The following UBE2L3 variants were observed in gnomAD, a reference collection of about 807,000 sequenced individuals.
UBE2L3 encodes the protein ubiquitin-conjugating enzyme E2 L3.
In UBE2L3, 1 loss-of-function variant was observed where a neutral mutation model predicts 17.8. That is an observed-to-expected ratio of 0.06 (90% confidence interval 0.02 to 0.27). UBE2L3 has a LOEUF of 0.27. Ranked by LOEUF, UBE2L3 falls within the 10% of genes least tolerant of loss-of-function variation. The probability of loss-of-function intolerance (pLI) is 1.00; values close to 1 mark genes in which losing one functional copy is unlikely to be tolerated. For synonymous variants in UBE2L3, 44 were observed against 68.5 expected (o/e 0.64, Z 1.76); for missense variants, 40 against 192.6 (o/e 0.21, Z 4.69).
At chr22:21,593,349 G>C (rs1044958087) in intron 2 of UBE2L3, among the ~76,000 whole-genome samples, 3 of 152,154 alleles carry the variant, frequency 2.0e-5, no homozygotes, top group African/African-American at 4.8e-5. Context: ...TTGCATTCAT[G>C]TCTCTAACCC....
At chr22:21,567,709 G>T (rs372195361), upstream of UBE2L3, 536 of 1,571,028 alleles carry the variant, frequency 3.4e-4, 8 homozygotes, top group South Asian at 5.3e-3. Context: ...GGCCGGCCGC[G>T]ATGCATTCTG....
At chr22:21,588,579 C>G (rs1928079146) in intron 1 of UBE2L3, among the ~76,000 whole-genome samples, 1 of 145,934 alleles carries the variant, frequency 6.9e-6, no homozygotes, top group African/African-American at 2.5e-5. Context: ...TCAGGTGATT[C>G]TTCCGCTTTC....
intron 1 of UBE2L3, among the ~76,000 whole-genome samples, chr22:21,586,135 G>A (rs924600935): frequency 6.6e-6 from 1 of 152,062 alleles, no homozygotes; most frequent in African/African-American, 2.4e-5. Flanking sequence ...TAGAGATAGG[G>A]TCTTGCTGTA....
At chr22:21,591,271 C>T (rs1928250538) in intron 1 of UBE2L3, among the ~76,000 whole-genome samples, 1 of 152,226 alleles carries the variant, frequency 6.6e-6, no homozygotes, top group Non-Finnish European at 1.5e-5. Context: ...CCCAGCAGTG[C>T]CTCTTCTCTC....
chr22:21,595,545 G>C lies in UBE2L3; in HGVS notation c.123+2589G>C, dbSNP rs150652002. ...GTCCTTGGGTAGCCACCTAGCGATT[G>C]CCCTGGTCGTAGTGCACAGAGGAGG... is the stretch of plus-strand genomic sequence containing the variant. On this transcript the variant is annotated intron_variant, in intron 2 of 3. Transcript: ENST00000342192. Among the ~76,000 whole-genome samples the C allele has an allele frequency of 5.6e-4, 86 of 152,312 alleles. 3 individuals carry two copies. Among genetic ancestry groups the C allele is most frequent in the African/African-American group, 1.9e-3 (79 of 41,576 alleles).
intron 1 of UBE2L3, among the ~76,000 whole-genome samples, chr22:21,590,443 C>T (rs1928193825): frequency 6.6e-6 from 1 of 152,170 alleles, no homozygotes; most frequent in Admixed American, 6.6e-5. Flanking sequence ...GGTGATCCAC[C>T]CACCTTGGCT....
At chr22:21,620,021 G>A (rs897752773) in intron 3 of UBE2L3, among the ~76,000 whole-genome samples, 13 of 152,196 alleles carry the variant, frequency 8.5e-5, no homozygotes, top group Non-Finnish European at 1.5e-5. Context: ...ACCAGGTGCA[G>A]TGGCTTCATG....
intron 3 of UBE2L3, among the ~76,000 whole-genome samples, chr22:21,619,851 C>T: frequency 6.6e-6 from 1 of 152,174 alleles, no homozygotes; most frequent in East Asian, 1.9e-4. Flanking sequence ...GCCACCATGC[C>T]TGGCTAATTT....
chr22:21,621,926 G>A lies in UBE2L3; in HGVS notation c.*257G>A. ...CTGCTTCAATCTACTTCAAAAGAAT[G>A]GTGTTTCTTTTCTTGTCCAATTTTA... On this transcript the variant is annotated 3_prime_UTR_variant, in exon 4 of 4. Transcript: ENST00000342192. 2.5e-6 allele frequency: 1 copy of A among 402,182 alleles called. No individual in the cohort carries two copies. The highest frequency in any genetic ancestry group is 5.0e-5 in the East Asian group (1 of 20,100). 24.9% of individuals were successfully genotyped at this position (402,182 alleles called of 1,614,324 possible). A position where few individuals can be genotyped will look rare whatever the true frequency, so the allele number is the denominator to read the frequency against.
chr22:21,609,202 T>A (rs1359428361), intron 2 of UBE2L3, among the ~76,000 whole-genome samples: 1 of 152,160 alleles, frequency 6.6e-6, no homozygotes, highest in Non-Finnish European at 1.5e-5. Flanking sequence ...CGGCCGGCAG[T>A]TTCTTACAAA....
chr22:21,568,665 C>T (rs1026278130), intron 1 of UBE2L3, among the ~76,000 whole-genome samples: 1 of 152,086 alleles, frequency 6.6e-6, no homozygotes, highest in Non-Finnish European at 1.5e-5. Flanking sequence ...TTGCCAAGGT[C>T]CTCTGTAGCC....
chr22:21,556,931 G>A (rs5754075), intron 1 of UBE2L3, among the ~76,000 whole-genome samples: 23,127 of 147,542 alleles, frequency 0.16, 435 homozygotes, highest in East Asian at 0.35. Context: ...GCAGGTGCCT[G>A]TAATCCCAGC....
intron 1 of UBE2L3, among the ~76,000 whole-genome samples, chr22:21,572,554 G>C (rs995482108): frequency 1.3e-5 from 2 of 152,028 alleles, no homozygotes; most frequent in African/African-American, 4.8e-5. Context: ...GAGGACACTT[G>C]AAAGTATTCT....
intron 2 of UBE2L3, among the ~76,000 whole-genome samples, chr22:21,609,157 A>T (rs1285129819): frequency 6.6e-6 from 1 of 151,924 alleles, no homozygotes; most frequent in African/African-American, 2.4e-5. Context: ...TTGGCCTCCC[A>T]AAGTGCTGGG....
chr22:21,602,046 A>T (rs1251298080), intron 2 of UBE2L3, among the ~76,000 whole-genome samples: 1 of 151,680 alleles, frequency 6.6e-6, no homozygotes, highest in Non-Finnish European at 1.5e-5. Context: ...CTCTCTTAAC[A>T]GGGGACTGGA....
chr22:21,587,077 G>T (rs1417187190), intron 1 of UBE2L3, among the ~76,000 whole-genome samples: 7 of 143,280 alleles, frequency 4.9e-5, no homozygotes, highest in African/African-American at 1.3e-4. Context: ...GTAGAGATGG[G>T]GTTTCACCAT....
intron 2 of UBE2L3, among the ~76,000 whole-genome samples, chr22:21,594,314 G>A (rs1324966650): frequency 6.6e-6 from 1 of 151,570 alleles, no homozygotes; most frequent in Non-Finnish European, 1.5e-5. Context: ...TGAGCATGGA[G>A]CATGCTTCCT....
At chr22:21,579,869 TAGACC>T (rs567337258) in intron 1 of UBE2L3, among the ~76,000 whole-genome samples, 164 of 152,344 alleles carry the variant, frequency 1.1e-3, no homozygotes, top group African/African-American at 3.3e-3. Flanking sequence ...TTTACTTTGA[TAGACC>T]AGTTATACTG....
intron 1 of UBE2L3, among the ~76,000 whole-genome samples, chr22:21,576,490 G>A (rs1927304306): frequency 6.6e-6 from 1 of 151,792 alleles, no homozygotes; most frequent in Non-Finnish European, 1.5e-5. Context: ...AGTAGAGACG[G>A]GGTTTCACCA....
Sources: gnomAD v4.1 joint callset for allele counts (sites outside exome capture counted in the v4.1 genomes callset) on GRCh38, gnomAD v4.1.1 for gene constraint, MANE v1.5 for transcripts, NCBI Gene and HGNC (gene_info 2026-07-23, HGNC 2026-07-21) for gene names.